Variants in ERC1 observed in about 807,000 individuals in gnomAD.
ERC1 encodes ELKS/RAB6-interacting/CAST family member 1, also known as RAB6 interacting protein 2.
In ERC1, 56 loss-of-function variants were observed where a neutral mutation model predicts 132.0. That is an observed-to-expected ratio of 0.42 (90% CI 0.34 to 0.53). The LOEUF (loss-of-function observed/expected upper bound fraction) is 0.53, where lower values mean the gene tolerates loss of function less well. Among genes scored for constraint, ERC1 ranks in the 20% least tolerant of loss-of-function variants. The pLI is 0.03. For missense variants in ERC1, 1,202 were observed against 1,349.9 expected, an observed-to-expected ratio of 0.89 and a Z score of 1.72; for synonymous variants, 478 against 476.1, an observed-to-expected ratio of 1.00 and a Z score of -0.05.
chr12:992,907 T>A (rs1388303995), intron 1 of ERC1, among the ~76,000 whole-genome samples: 2 of 152,240 alleles, frequency 1.3e-5, no homozygotes, highest in African/African-American at 4.8e-5. Context: ...AAGCAGTGAC[T>A]TTCCCAAGGC....
chr12:1,258,110 A>G (rs555628609), intron 13 of ERC1, among the ~76,000 whole-genome samples: 10 of 152,330 alleles, frequency 6.6e-5, no homozygotes, highest in East Asian at 5.8e-4. Flanking sequence ...AAGAATGCCT[A>G]TAAACAACAG....
intron 17 of ERC1, among the ~76,000 whole-genome samples, chr12:1,437,705 C>T (rs2092987645): frequency 6.6e-6 from 1 of 152,176 alleles, no homozygotes; most frequent in South Asian, 2.1e-4. Flanking sequence ...CTCCTTACAG[C>T]TTTGAGGACA....
intron 17 of ERC1, among the ~76,000 whole-genome samples, chr12:1,422,768 T>C (rs1221949088): frequency 6.6e-6 from 1 of 152,210 alleles, no homozygotes; most frequent in Admixed American, 6.5e-5. Flanking sequence ...CTGAAAACCC[T>C]CCATGCTGTT....
chr12:1,467,512 A>C (rs1038491875), intron 18 of ERC1, among the ~76,000 whole-genome samples: 25 of 152,164 alleles, frequency 1.6e-4, no homozygotes, highest in African/African-American at 5.6e-4. Flanking sequence ...AGGATTCTCC[A>C]ACTTTAGGCT....
intron 1 of ERC1, among the ~76,000 whole-genome samples, chr12:1,018,091 G>GT (rs1444673425): frequency 6.6e-6 from 1 of 152,166 alleles, no homozygotes; most frequent in Non-Finnish European, 1.5e-5. Context: ...AGGAAGAACA[G>GT]TTTTTTAAAA....
chr12:1,266,326 CT>C (rs1343375818), intron 14 of ERC1, among the ~76,000 whole-genome samples: 1 of 149,760 alleles, frequency 6.7e-6, no homozygotes. Flanking sequence ...CTTCTGAAGC[CT>C]TACAACCTTC....
At position 1,491,566 on chromosome 12, in the gene ERC1, G is replaced by C. The variant is rs551823956; in HGVS notation, c.*1336G>C. 4.5e-6 allele frequency: 1 copy of C among 223,254 alleles called. No homozygotes were observed. Among genetic ancestry groups the C allele is most frequent in the East Asian group, 6.2e-5 (1 of 16,178 alleles). The allele number at this position is 223,254 out of a possible 1,614,324, so 13.8% of individuals were successfully genotyped here. On this transcript the variant is annotated 3_prime_UTR_variant, in exon 19 of 19. Coordinates refer to ENST00000360905, the MANE Select transcript of ERC1 (RefSeq NM_178040.4). ...CCCCGATCTTAAGGTGTGTTTTCTAGAAAAGTTCCCTAATGGAATTCATGA... is the reference window on the plus strand; with the variant it reads ...CCCCGATCTTAAGGTGTGTTTTCTACAAAAGTTCCCTAATGGAATTCATGA...
At chr12:1,323,757 G>C (rs1419967826) in intron 15 of ERC1, among the ~76,000 whole-genome samples, 1 of 152,082 alleles carries the variant, frequency 6.6e-6, no homozygotes, top group Admixed American at 6.5e-5. Context: ...AATAGAAAAG[G>C]CATTAGGAAA....
rs59507923 is a variant in ERC1, at chr12:1,003,096, CAA to C, written c.-157+11791_-157+11792del. Among the ~76,000 whole-genome samples the C allele has an allele frequency of 7.6e-3, 657 of 86,912 alleles. 15 individuals are homozygous for C. The highest frequency in any genetic ancestry group is 0.03 in the African/African-American group (575 of 19,340). The allele number at this position is 86,912 out of a possible 152,430, so 57.0% of individuals were successfully genotyped here. A position where few individuals can be genotyped will look rare whatever the true frequency, so the allele number is the denominator to read the frequency against. ...TGAAACCCTATCTCTATGAAAAATG[CAA>C]AAAAAAAAAAAAAAAAGACTCAAAA... On this transcript the variant is annotated intron_variant, in intron 1 of 18. Transcript: ENST00000360905.
At chr12:1,070,092 T>A (rs1449881688) in intron 2 of ERC1, among the ~76,000 whole-genome samples, 2 of 151,948 alleles carry the variant, frequency 1.3e-5, no homozygotes, top group African/African-American at 2.4e-5. Flanking sequence ...TAAGGCAAAT[T>A]ATTGGTAGTG....
intron 12 of ERC1, among the ~76,000 whole-genome samples, chr12:1,218,856 A>T (rs529577627): frequency 3.0e-4 from 45 of 150,634 alleles, no homozygotes; most frequent in Middle Eastern, 3.4e-3. Context: ...ACACACACAC[A>T]TATATATATA....
At chr12:1,480,913 A>G (rs1405713446) in intron 18 of ERC1, 1 of 702,372 alleles carries the variant, frequency 1.4e-6, no homozygotes. Context: ...GGAAATGCAG[A>G]CGCCCCCAGA....
At position 1,313,714 on chromosome 12, in the gene ERC1, G is replaced by A. The variant is rs548356587; in HGVS notation, c.2780+23702G>A. Among the ~76,000 whole-genome samples the A allele has an allele frequency of 7.9e-5, 12 of 151,824 alleles. No homozygotes were observed. The South Asian group carries it at 1.3e-3, about 16-fold the overall frequency. On this transcript the variant is annotated intron_variant, in intron 15 of 18. Coordinates refer to ENST00000360905, the MANE Select transcript of ERC1 (RefSeq NM_178040.4). ...AAAATTTTTTTTTTTGCCCGGGTACGGTGGCTCATGCCTGTAATCCCAACA... is the reference window on the plus strand; with the variant it reads ...AAAATTTTTTTTTTTGCCCGGGTACAGTGGCTCATGCCTGTAATCCCAACA...
At chr12:1,393,885 G>A (rs1352462945) in intron 16 of ERC1, among the ~76,000 whole-genome samples, 1 of 151,144 alleles carries the variant, frequency 6.6e-6, no homozygotes, top group Non-Finnish European at 1.5e-5. Flanking sequence ...GTGTGGTGGC[G>A]GGCGCCTGTA....
chr12:1,322,675 C>T (rs1426336624), intron 15 of ERC1, among the ~76,000 whole-genome samples: 1 of 152,102 alleles, frequency 6.6e-6, no homozygotes, highest in Non-Finnish European at 1.5e-5. Flanking sequence ...CCTTTTCTCA[C>T]CTGATAAAAT....
At chr12:1,018,940 A>C (rs534557941) in intron 1 of ERC1, among the ~76,000 whole-genome samples, 1 of 152,210 alleles carries the variant, frequency 6.6e-6, no homozygotes, top group African/African-American at 2.4e-5. Context: ...AATGAGCAGT[A>C]GTTAGCCAGT....
intron 13 of ERC1, among the ~76,000 whole-genome samples, chr12:1,248,663 C>T (rs1426954238): frequency 4.6e-5 from 7 of 152,122 alleles, no homozygotes; most frequent in Admixed American, 4.6e-4. Flanking sequence ...GGATCTGATT[C>T]GCATTTTCAG....
intron 17 of ERC1, chr12:1,410,595 C>A: frequency 3.9e-6 from 1 of 254,344 alleles, no homozygotes; most frequent in Non-Finnish European, 7.7e-6. Flanking sequence ...TCACGTGATT[C>A]TTGTGTGTGT....
intron 17 of ERC1, among the ~76,000 whole-genome samples, chr12:1,418,641 T>TTCTC (rs1326722348): frequency 1.8e-4 from 14 of 78,826 alleles, no homozygotes; most frequent in African/African-American, 6.3e-4. Context: ...CTTTCTTTCT[T>TTCTC]TCTCTCTCTC....
Sources: allele counts gnomAD v4.1 joint callset (sites outside exome capture counted in the v4.1 genomes callset), GRCh38; gene constraint gnomAD v4.1.1; transcripts MANE v1.5; gene names NCBI Gene and HGNC (gene_info 2026-07-23, HGNC 2026-07-21).